ZNRF3: variants seen among roughly 807,000 people sequenced by gnomAD.
The protein encoded by ZNRF3 is E3 ubiquitin-protein ligase ZNRF3.
A neutral mutation model predicts 72.5 loss-of-function variants in ZNRF3; 23 were observed. The observed-to-expected ratio is 0.32, with a 90% CI of 0.23 to 0.45. The LOEUF (loss-of-function observed/expected upper bound fraction) is 0.45, where lower values mean the gene tolerates loss of function less well. Among genes scored for constraint, ZNRF3 ranks in the 20% least tolerant of loss-of-function variants. The pLI is 1.00. For synonymous variants in ZNRF3, 610 were observed against 545.3 expected, an observed-to-expected ratio of 1.12 and a Z score of -1.65; for missense variants, 1,169 against 1,272.1, an observed-to-expected ratio of 0.92 and a Z score of 1.23.
chr22:29,045,853 G>C (rs1248965906), intron 5 of ZNRF3, among the ~76,000 whole-genome samples: 2 of 152,236 alleles, frequency 1.3e-5, no homozygotes, highest in African/African-American at 4.8e-5. Context: ...GTAGCAGTCT[G>C]AGTTTTGAGT....
At chr22:28,889,671 A>G (rs1441499421) in intron 1 of ZNRF3, among the ~76,000 whole-genome samples, 2 of 152,202 alleles carry the variant, frequency 1.3e-5, no homozygotes, top group African/African-American at 4.8e-5. Flanking sequence ...CATTGTCTAT[A>G]ATGAATTAAC....
Position 29,050,344 on chromosome 22 carries a change from C to T in ZNRF3, c.2163C>T (p.Ala721=), listed in dbSNP as rs752962879. 18 of 1,602,754 alleles carry T rather than the reference C, an allele frequency of 1.1e-5. No individual in the cohort carries two copies. The Admixed American group carries it at 2.5e-4, about 22-fold the overall frequency. ...ACCCEPQPSP[A]GPSAGAAGSS... ...GCTGCGAGCCCCAGCCCTCCCCAGC[C>T]GGGCCTAGCGCCGGAGCAGCTGGCA... is the stretch of plus-strand genomic sequence containing the variant. The change falls in exon 8 of 9, where the codon GCC becomes GCT. Residue 721 remains alanine (A), a synonymous_variant. Transcript: ENST00000544604.
chr22:28,953,468 G>C (rs1414381184), intron 1 of ZNRF3, among the ~76,000 whole-genome samples: 2 of 152,172 alleles, frequency 1.3e-5, no homozygotes, highest in Non-Finnish European at 2.9e-5. Flanking sequence ...CTGAAGTTTA[G>C]GAAAAGAGTG....
At chr22:28,992,197 C>T (rs2035967837) in intron 2 of ZNRF3, among the ~76,000 whole-genome samples, 1 of 143,522 alleles carries the variant, frequency 7.0e-6, no homozygotes, top group African/African-American at 2.6e-5. Flanking sequence ...CGCACACCAC[C>T]CCCCACCCCC....
chr22:29,033,350 CAAAAAAAAAAAAA>C (rs60310622), intron 2 of ZNRF3, among the ~76,000 whole-genome samples: 1 of 66,154 alleles, frequency 1.5e-5, no homozygotes, highest in African/African-American at 6.3e-5. Flanking sequence ...GACTCCATCT[CAAAAAAAAAAAAA>C]AAAAAAAAAG....
chr22:28,915,166 A>G (rs1258376747), intron 1 of ZNRF3, among the ~76,000 whole-genome samples: 1 of 152,226 alleles, frequency 6.6e-6, no homozygotes, highest in Non-Finnish European at 1.5e-5. Flanking sequence ...CTTAAATGAC[A>G]GACATATTTA....
At chr22:29,043,187 G>A in intron 3 of ZNRF3, 112 bp from the exon 4 acceptor site, 1 of 1,230,338 alleles carries the variant, frequency 8.1e-7, no homozygotes, top group Non-Finnish European at 1.1e-6. Context: ...TGTTGGAAGA[G>A]CTGGAGGATT....
intron 2 of ZNRF3, among the ~76,000 whole-genome samples, chr22:29,035,494 A>G (rs1021753296): frequency 1.3e-5 from 2 of 152,226 alleles, no homozygotes; most frequent in African/African-American, 4.8e-5. Flanking sequence ...ATGCATATAA[A>G]TATTGTTGAG....
Position 29,030,186 on chromosome 22 carries a change from AAG to A in ZNRF3, c.427-12306_427-12305del, listed in dbSNP as rs1449470840. Among the ~76,000 whole-genome samples the A allele has an allele frequency of 6.6e-6, 1 of 152,184 alleles. No individual in the cohort carries two copies. Among genetic ancestry groups the A allele is most frequent in the East Asian group, 1.9e-4 (1 of 5,202 alleles). On this transcript the variant is annotated intron_variant, in intron 2 of 8. Transcript: ENST00000544604. The surrounding 1 kb of genome is among the most constrained non-coding windows in gnomAD (Gnocchi z 4.2). The stretch of plus-strand genomic sequence containing the variant: ...GTGCTCCTTGTCAGGTGTTAAAACA[AAG>A]AGGATCATTGTGTTTCTTGGAACTG...
intron 2 of ZNRF3, among the ~76,000 whole-genome samples, chr22:29,040,970 A>G (rs1017536075): frequency 3.3e-5 from 5 of 152,102 alleles, no homozygotes; most frequent in Admixed American, 1.3e-4. Flanking sequence ...AGGAATTTCA[A>G]TTTTATTCTT....
chr22:28,915,723 C>T (rs1436289136), intron 1 of ZNRF3, among the ~76,000 whole-genome samples: 2 of 152,198 alleles, frequency 1.3e-5, no homozygotes, highest in African/African-American at 2.4e-5. Flanking sequence ...CCCAAGCAAA[C>T]AATTTTGATG....
At chr22:29,044,952 C>T in intron 5 of ZNRF3, 62 bp downstream of exon 5, 1 of 1,199,370 alleles carries the variant, frequency 8.3e-7, no homozygotes. Flanking sequence ...TGGGGAAAAC[C>T]AGGACTCTCG....
chr22:28,997,919 A>T (rs529132361), intron 2 of ZNRF3, among the ~76,000 whole-genome samples: 37 of 149,312 alleles, frequency 2.5e-4, no homozygotes, highest in Admixed American at 7.4e-4. Flanking sequence ...TGGGAGGATC[A>T]TTTGAGCCCA....
chr22:29,024,395 G>A (rs2036589540), intron 2 of ZNRF3, among the ~76,000 whole-genome samples: 1 of 150,012 alleles, frequency 6.7e-6, no homozygotes, highest in Non-Finnish European at 1.5e-5. Flanking sequence ...GAATATGAGT[G>A]TTAATATTGA....
intron 8 of ZNRF3, among the ~76,000 whole-genome samples, chr22:29,052,686 C>T (rs1327918567): frequency 4.8e-5 from 6 of 125,378 alleles, no homozygotes; most frequent in South Asian, 6.0e-4. Flanking sequence ...AGCGAGACTC[C>T]GTCTCAAAAA....
intron 1 of ZNRF3, among the ~76,000 whole-genome samples, chr22:28,930,773 T>G (rs1373537773): frequency 3.3e-5 from 5 of 152,226 alleles, no homozygotes; most frequent in Non-Finnish European, 5.9e-5. Flanking sequence ...ACAGAGCACT[T>G]GAGCCTCACA....
intron 2 of ZNRF3, among the ~76,000 whole-genome samples, chr22:28,996,021 C>T (rs367791489): frequency 2.6e-5 from 4 of 152,212 alleles, no homozygotes; most frequent in African/African-American, 9.6e-5. Context: ...AGCAATCCAC[C>T]TTCCTTGGCC....
chr22:28,907,108 G>A (rs559891649), intron 1 of ZNRF3, among the ~76,000 whole-genome samples: 18 of 149,468 alleles, frequency 1.2e-4, no homozygotes, highest in Non-Finnish European at 2.2e-4. Context: ...TCAGCCTCCC[G>A]AGTAGCTGGG....
chr22:29,008,049 C>T (rs535426681), intron 2 of ZNRF3, among the ~76,000 whole-genome samples: 2 of 152,256 alleles, frequency 1.3e-5, no homozygotes, highest in African/African-American at 2.4e-5. Context: ...AGCCACGGCG[C>T]CCGGCTCAGA....
Sources: allele counts gnomAD v4.1 joint callset (sites outside exome capture counted in the v4.1 genomes callset), GRCh38; gene constraint gnomAD v4.1.1; non-coding constraint Gnocchi (gnomAD v3.1); transcripts MANE v1.5; gene names NCBI Gene and HGNC (gene_info 2026-07-23, HGNC 2026-07-21).